The following IFI27 variants were observed in gnomAD, a reference collection of about 807,000 sequenced individuals.
The protein encoded by IFI27 is interferon alpha inducible protein 27.
Under a neutral mutation model 8.9 loss-of-function variants are expected in IFI27, and 3 were observed. That is an observed-to-expected ratio of 0.34 (90% CI 0.15 to 0.87). The LOEUF is 0.87. Ranked by LOEUF, IFI27 falls within the 40% of genes least tolerant of loss-of-function variation. The pLI is 0.51. For synonymous variants in IFI27, 66 were observed against 67.3 expected (o/e 0.98, Z 0.09); for missense variants, 152 against 157.7 (o/e 0.96, Z 0.19).
chr14:94,116,690 A>C lies in IFI27; in HGVS notation c.*163A>C, dbSNP rs1248634609. ...TAAGAAATAAAGATGAATTGTTGCA[A>C]CTCTTCCCAGAATCTCTTCTTCTCG... is the stretch of plus-strand genomic sequence containing the variant. On this transcript the variant is annotated 3_prime_UTR_variant, in exon 5 of 5. Coordinates refer to ENST00000621160, the Ensembl canonical transcript of IFI27. The surrounding 1 kb of genome is among the most constrained non-coding windows in gnomAD (Gnocchi z 4.3). 12 of 632,598 alleles carry C rather than the reference A, an allele frequency of 1.9e-5. No individual in the cohort carries two copies. Among genetic ancestry groups the C allele is most frequent in the Non-Finnish European group, 3.1e-5 (11 of 353,610 alleles). The allele number at this position is 632,598 out of a possible 1,614,324, so 39.2% of individuals were successfully genotyped here. A position where few individuals can be genotyped will look rare whatever the true frequency, so the allele number is the denominator to read the frequency against.
intron 3 of IFI27, 155 bp downstream of exon 3, chr14:94,115,035 A>G: frequency 1.4e-6 from 1 of 714,264 alleles, no homozygotes; most frequent in Non-Finnish European, 2.5e-6. Context: ...GGAGCTAGAA[A>G]TACAGCACTG....
At chr14:94,107,293 A>G (rs1160840567), upstream of IFI27, among the ~76,000 whole-genome samples, 1 of 151,806 alleles carries the variant, frequency 6.6e-6, no homozygotes, top group African/African-American at 2.4e-5. Context: ...CTGGTCTTGA[A>G]CTCCTGACCT....
intron 2 of IFI27, among the ~76,000 whole-genome samples, chr14:94,112,562 TC>T (rs1397663505): frequency 6.6e-6 from 1 of 152,180 alleles, no homozygotes; most frequent in Non-Finnish European, 1.5e-5. Flanking sequence ...ATCCAGGGGT[TC>T]CCCCAACTCC....
chr14:94,106,792 C>T (rs1041086218), upstream of IFI27, among the ~76,000 whole-genome samples: 43 of 152,280 alleles, frequency 2.8e-4, no homozygotes, highest in African/African-American at 1.0e-3. Flanking sequence ...ACTGACATCA[C>T]ACGGTGCAAG....
chr14:94,116,554 G>C lies in IFI27; in HGVS notation c.*27G>C. On this transcript the variant is annotated 3_prime_UTR_variant, in exon 5 of 5. Coordinates refer to ENST00000621160, the Ensembl canonical transcript of IFI27. The surrounding 1 kb of genome is among the most constrained non-coding windows in gnomAD (Gnocchi z 4.3). ...TCCCTGCCCCTCGCCCTGCAGAGAA[G>C]AGAACCATGCCAGGGGAGAAGGCAC... The C allele has an allele frequency of 6.3e-7, 1 of 1,580,916 alleles. No homozygotes were observed. Among genetic ancestry groups the C allele is most frequent in the Non-Finnish European group, 8.7e-7 (1 of 1,155,582 alleles).
chr14:94,114,813 G>A (rs776885026), intron 2 of IFI27, 38 bp from the exon 3 acceptor site: 19 of 1,612,850 alleles, frequency 1.2e-5, no homozygotes, highest in Non-Finnish European at 1.6e-5. Context: ...GGGGAAGCCA[G>A]TGTGGATCTA....
chr14:94,112,641 C>A (rs1341600716), intron 2 of IFI27, among the ~76,000 whole-genome samples: 1 of 152,360 alleles, frequency 6.6e-6, no homozygotes, highest in East Asian at 1.9e-4. Context: ...ACTTCTGACC[C>A]CTGCCCCAAC....
chr14:94,109,439 A>G (rs1167760033), upstream of IFI27, among the ~76,000 whole-genome samples: 1 of 142,882 alleles, frequency 7.0e-6, no homozygotes, highest in African/African-American at 2.7e-5. Context: ...AGGAAGAAAA[A>G]AAGTTTATTG....
chr14:94,112,855 TC>T (rs749147377), intron 2 of IFI27: 7 of 152,270 alleles, frequency 4.6e-5, no homozygotes, highest in Non-Finnish European at 1.0e-4. Context: ...GGCTCCCAAC[TC>T]AGTACAGAGA....
upstream of IFI27, among the ~76,000 whole-genome samples, chr14:94,109,434 GAAA>G (rs1327765331): frequency 1.8e-5 from 2 of 110,860 alleles, no homozygotes; most frequent in Non-Finnish European, 3.8e-5. Flanking sequence ...AGGAAAGGAA[GAAA>G]AAAAGTTTAT....
chr14:94,115,734 G>GA, intron 3 of IFI27, 47 bp from the exon 4 acceptor site: 1 of 1,572,686 alleles, frequency 6.4e-7, no homozygotes, highest in Non-Finnish European at 8.6e-7. Context: ...GTATCTGGGG[G>GA]GGTCCCTTCT....
At chr14:94,109,308 AAAAG>A (rs1174900212), upstream of IFI27, among the ~76,000 whole-genome samples, 5 of 151,512 alleles carry the variant, frequency 3.3e-5, no homozygotes, top group Non-Finnish European at 4.4e-5. Context: ...ATAAAAAAAA[AAAAG>A]AAAGGAAAGG....
At position 94,111,641 on chromosome 14, in the gene IFI27, G is replaced by A. The variant is rs750498326; in HGVS notation, c.-42G>A. On this transcript the variant is annotated 5_prime_UTR_variant, in exon 2 of 5. Coordinates refer to ENST00000621160, the Ensembl canonical transcript of IFI27. The surrounding 1 kb of genome is among the most constrained non-coding windows in gnomAD (Gnocchi z 4.3). ...CTTCGGCAGGTCTGGCTGAAGTTGA[G>A]GATCTCTTACTCTCTAGGCCACGGA... 1.2e-5 allele frequency: 18 copies of A among 1,538,878 alleles called. No homozygotes were observed. The South Asian group carries it at 1.9e-4, about 16-fold the overall frequency.
chr14:94,106,424 G>A (rs972954986), upstream of IFI27, among the ~76,000 whole-genome samples: 7 of 152,088 alleles, frequency 4.6e-5, no homozygotes, highest in African/African-American at 1.7e-4. Context: ...TCCATCTTAC[G>A]ATCCCACCAA....
upstream of IFI27, among the ~76,000 whole-genome samples, chr14:94,106,564 C>T (rs960309192): frequency 3.9e-5 from 6 of 152,098 alleles, no homozygotes; most frequent in Admixed American, 1.3e-4. Flanking sequence ...TAATGATTGG[C>T]GATCTTAAAC....
At chr14:94,106,255 G>T (rs939843233), upstream of IFI27, among the ~76,000 whole-genome samples, 5 of 152,162 alleles carry the variant, frequency 3.3e-5, no homozygotes, top group African/African-American at 1.2e-4. Flanking sequence ...TCACCTTTGG[G>T]GTTATGATTT....
chr14:94,109,604 G>A (rs1887092003), upstream of IFI27, among the ~76,000 whole-genome samples: 1 of 152,142 alleles, frequency 6.6e-6, no homozygotes, highest in Non-Finnish European at 1.5e-5. Flanking sequence ...TTGCATAACT[G>A]GCTCGCTCTC....
rs1433543539 is a variant in IFI27, at chr14:94,111,832, G to A, written c.91+59G>A. ...CGAGGAGGCGGCTGGGAAGGGCGGG[G>A]GTCCTGTCCCGGGACCCGTGGGAGA... On this transcript the variant is annotated intron_variant, in intron 2 of 4. Coordinates refer to ENST00000621160, the Ensembl canonical transcript of IFI27. This position sits in a 1 kb window ranked among gnomAD's most constrained non-coding sequence, Gnocchi z 4.3. The A allele has an allele frequency of 3.8e-6, 5 of 1,325,376 alleles. No homozygotes were observed. The highest frequency in any genetic ancestry group is 4.4e-6 in the Non-Finnish European group (4 of 917,400). 82.1% of individuals were successfully genotyped at this position (1,325,376 alleles called of 1,614,324 possible).
chr14:94,110,976 A>C (rs1425679733), intron 1 of IFI27, 179 bp downstream of exon 1: 2 of 154,360 alleles, frequency 1.3e-5, no homozygotes, highest in African/African-American at 4.8e-5. Flanking sequence ...TGGACTCTGG[A>C]ATGTAAGGAC....
Sources: allele counts gnomAD v4.1 joint callset (sites outside exome capture counted in the v4.1 genomes callset), GRCh38; gene constraint gnomAD v4.1.1; non-coding constraint Gnocchi (gnomAD v3.1); transcripts MANE v1.5; gene names NCBI Gene and HGNC (gene_info 2026-07-23, HGNC 2026-07-21).